The following ADGRB3 variants were observed in gnomAD, a reference collection of about 807,000 sequenced individuals.
ADGRB3 encodes adhesion G protein-coupled receptor B3, also known as brain-specific angiogenesis inhibitor 3.
In ADGRB3, 37 loss-of-function variants were observed where a neutral mutation model predicts 193.4. That is an observed-to-expected ratio of 0.19 (90% CI 0.15 to 0.25). The LOEUF (loss-of-function observed/expected upper bound fraction) is 0.25. ADGRB3 is among the 10% of genes least tolerant of loss of function. The probability of loss-of-function intolerance (pLI) is 1.00; values close to 1 mark genes in which losing one functional copy is unlikely to be tolerated. For synonymous variants in ADGRB3, 690 were observed against 644.2 expected (o/e 1.07, Z -1.08); for missense variants, 1,637 against 1,852.9 (o/e 0.88, Z 2.14).
At chr6:68,753,751 G>C (rs575158824) in intron 3 of ADGRB3, among the ~76,000 whole-genome samples, 2 of 152,238 alleles carry the variant, frequency 1.3e-5, no homozygotes, top group South Asian at 4.2e-4. Context: ...TTGTTTTTGT[G>C]ACATTGACAA....
intron 17 of ADGRB3, among the ~76,000 whole-genome samples, chr6:69,159,959 G>T (rs1774940536): frequency 6.6e-6 from 1 of 152,058 alleles, no homozygotes; most frequent in African/African-American, 2.4e-5. Flanking sequence ...CACACTCCAT[G>T]TCAAATGCTT....
At chr6:68,693,393 A>G (rs1197813293) in intron 3 of ADGRB3, among the ~76,000 whole-genome samples, 2 of 151,944 alleles carry the variant, frequency 1.3e-5, no homozygotes, top group East Asian at 3.9e-4. Context: ...TAATGTTTTT[A>G]GAAGGCCTCT....
chr6:69,181,316 C>G (rs1171570291), intron 17 of ADGRB3, among the ~76,000 whole-genome samples: 1 of 151,754 alleles, frequency 6.6e-6, no homozygotes. Flanking sequence ...ATGTTTTAAT[C>G]ATGATCTATG....
In ADGRB3 at chr6:68,660,175, G is replaced by A. The variant is rs1768591220; in HGVS notation, c.757+20743G>A. On this transcript the variant is annotated intron_variant, in intron 3 of 31. Coordinates refer to ENST00000370598, the MANE Select transcript of ADGRB3 (RefSeq NM_001704.3). ...ATTCAGCAGAAATTAATGTTGAGTT[G>A]ACTAGATAAAGACTAGGCTCACAAC... 2.7e-5 allele frequency among the ~76,000 whole-genome samples: 4 copies of A among 150,380 alleles called. No homozygotes were observed. The Admixed American group carries it at 2.7e-4, about 10-fold the overall frequency.
chr6:68,742,053 A>G (rs1451016951), intron 3 of ADGRB3, among the ~76,000 whole-genome samples: 1 of 152,206 alleles, frequency 6.6e-6, no homozygotes, highest in African/African-American at 2.4e-5. Flanking sequence ...TAAAATATGA[A>G]GAAAACTACA....
chr6:69,255,294 C>T (rs920498930), intron 20 of ADGRB3, among the ~76,000 whole-genome samples: 111 of 152,258 alleles, frequency 7.3e-4, no homozygotes, highest in Non-Finnish European at 1.4e-3. Context: ...CTGACTTCTA[C>T]AATGGTTGAA....
At chr6:68,859,125 C>T in intron 3 of ADGRB3, among the ~76,000 whole-genome samples, 1 of 152,162 alleles carries the variant, frequency 6.6e-6, no homozygotes. Context: ...TTCTCAAGTT[C>T]CAAGTTCCAC....
intron 3 of ADGRB3, among the ~76,000 whole-genome samples, chr6:68,875,689 A>G (rs1000674097): frequency 1.3e-5 from 2 of 152,162 alleles, no homozygotes; most frequent in Non-Finnish European, 2.9e-5. Flanking sequence ...AAAGTATTAC[A>G]GTATTTTAAA....
At chr6:68,774,322 A>C (rs956926816) in intron 3 of ADGRB3, among the ~76,000 whole-genome samples, 1 of 151,924 alleles carries the variant, frequency 6.6e-6, no homozygotes, top group East Asian at 1.9e-4. Context: ...TATTTTATGC[A>C]ACCTAATGTC....
chr6:69,299,261 T>A (rs948277301), intron 20 of ADGRB3, among the ~76,000 whole-genome samples: 6 of 151,854 alleles, frequency 4.0e-5, no homozygotes, highest in Non-Finnish European at 8.8e-5. Flanking sequence ...TTTTGTTTAG[T>A]TTTTGTTTTT....
chr6:69,087,214 G>A (rs527869010), intron 17 of ADGRB3, among the ~76,000 whole-genome samples: 1 of 152,236 alleles, frequency 6.6e-6, no homozygotes, highest in African/African-American at 2.4e-5. Context: ...TCAAATCTCA[G>A]GACCCGGTAG....
At chr6:68,716,686 T>G (rs1041626401) in intron 3 of ADGRB3, among the ~76,000 whole-genome samples, 3 of 151,650 alleles carry the variant, frequency 2.0e-5, no homozygotes, top group African/African-American at 7.3e-5. Context: ...AGCTCTCTCC[T>G]TCTTCCCTTG....
At chr6:69,144,913 T>TTCTTTCTTTCTTTCTTTCTC (rs1774442575) in intron 17 of ADGRB3, among the ~76,000 whole-genome samples, 1 of 151,802 alleles carries the variant, frequency 6.6e-6, no homozygotes, top group Non-Finnish European at 1.5e-5. Context: ...CTTTCTTTCT[T>TTCTTTCTTTCTTTCTTTCTC]TCTTTTTCTT....
intron 17 of ADGRB3, among the ~76,000 whole-genome samples, chr6:69,117,078 G>GAAAA (rs1561924030): frequency 6.6e-6 from 1 of 151,856 alleles, no homozygotes; most frequent in East Asian, 1.9e-4. Context: ...TAAAAATTAG[G>GAAAA]AAAAAAAGAT....
chr6:69,325,538 A>C (rs1361895751), intron 21 of ADGRB3, among the ~76,000 whole-genome samples: 1 of 152,226 alleles, frequency 6.6e-6, no homozygotes, highest in Non-Finnish European at 1.5e-5. Flanking sequence ...AATTGCTGAC[A>C]GACTGAGAAC....
chr6:69,103,473 C>T (rs1294987408), intron 17 of ADGRB3, among the ~76,000 whole-genome samples: 1 of 152,014 alleles, frequency 6.6e-6, no homozygotes, highest in Non-Finnish European at 1.5e-5. Flanking sequence ...TCTCAATAAT[C>T]ACATTTTAAA....
intron 13 of ADGRB3, among the ~76,000 whole-genome samples, chr6:69,034,197 T>A (rs891887873): frequency 6.6e-6 from 1 of 151,974 alleles, no homozygotes; most frequent in Non-Finnish European, 1.5e-5. Flanking sequence ...GTACTTTTTA[T>A]TACAGAGTCT....
intron 17 of ADGRB3, among the ~76,000 whole-genome samples, chr6:69,081,264 A>G (rs1772379186): frequency 6.6e-6 from 1 of 151,850 alleles, no homozygotes; most frequent in South Asian, 2.1e-4. Flanking sequence ...CACACTGAAA[A>G]TACTGAAAAT....
chr6:69,364,095 G>T (rs1160316821), intron 29 of ADGRB3, among the ~76,000 whole-genome samples: 2 of 151,964 alleles, frequency 1.3e-5, no homozygotes, highest in African/African-American at 4.8e-5. Flanking sequence ...AGAACATCCA[G>T]CCTGGGCAGC....
Sources: allele counts gnomAD v4.1 joint callset (sites outside exome capture counted in the v4.1 genomes callset), GRCh38; gene constraint gnomAD v4.1.1; transcripts MANE v1.5; gene names NCBI Gene and HGNC (gene_info 2026-07-23, HGNC 2026-07-21).